GLIS2: variants seen among roughly 807,000 people sequenced by gnomAD.
The protein encoded by GLIS2 is GLIS family zinc finger 2.
In GLIS2, 14 loss-of-function variants were observed where a neutral mutation model predicts 35.6. The observed-to-expected ratio is 0.39, with a 90% CI of 0.26 to 0.61. GLIS2 has a LOEUF of 0.61. Among genes scored for constraint, GLIS2 ranks in the 20% least tolerant of loss-of-function variants. The pLI is 0.48. For synonymous variants in GLIS2, 368 were observed against 325.1 expected (o/e 1.13, Z -1.42); for missense variants, 675 against 713.4 (o/e 0.95, Z 0.61).
chr16:4,317,636 C>G (rs2053328675), intron 1 of GLIS2, among the ~76,000 whole-genome samples: 1 of 152,010 alleles, frequency 6.6e-6, no homozygotes, highest in South Asian at 2.1e-4. Context: ...CCAGGCTGGG[C>G]CTCCTAGCTG....
chr16:4,316,220 C>A lies in GLIS2; in HGVS notation c.-101C>A, dbSNP rs1309381465. 1.4e-5 allele frequency among the ~76,000 whole-genome samples: 2 copies of A among 144,906 alleles called. No homozygotes were observed. The highest frequency in any genetic ancestry group is 3.1e-5 in the Non-Finnish European group (2 of 65,128). The stretch of plus-strand genomic sequence containing the variant: ...CCCCGCGCCCCCCGACCGCCGGAGC[C>A]CGCAGCCCGGATCCCGACCGCCCCC... On this transcript the variant is annotated 5_prime_UTR_variant, in exon 1 of 7. Coordinates refer to ENST00000433375, the MANE Select transcript of GLIS2 (RefSeq NM_032575.3).
chr16:4,337,545 T>G lies in GLIS2; in HGVS notation c.*21T>G. 1 of 1,546,340 alleles carries G rather than the reference T, an allele frequency of 6.5e-7. No individual in the cohort carries two copies. The highest frequency in any genetic ancestry group is 8.7e-7 in the Non-Finnish European group (1 of 1,151,476). On this transcript the variant is annotated 3_prime_UTR_variant, in exon 7 of 7. Coordinates refer to ENST00000433375, the MANE Select transcript of GLIS2 (RefSeq NM_032575.3). ...ACTGAGCCCATCCTGCGGACAGTTGTGGTGCCCCCCCGGCAGCTCCCGGCA... is the reference window on the plus strand; with the variant it reads ...ACTGAGCCCATCCTGCGGACAGTTGGGGTGCCCCCCCGGCAGCTCCCGGCA...
At chr16:4,321,745 C>T (rs1420966542) in intron 1 of GLIS2, among the ~76,000 whole-genome samples, 1 of 152,092 alleles carries the variant, frequency 6.6e-6, no homozygotes, top group Non-Finnish European at 1.5e-5. Context: ...TTGGAGCTGC[C>T]CGGCGTCCCA....
chr16:4,319,438 G>C (rs1015747326), intron 1 of GLIS2, among the ~76,000 whole-genome samples: 3 of 152,170 alleles, frequency 2.0e-5, no homozygotes, highest in Admixed American at 1.3e-4. Flanking sequence ...CCTTCCCAGG[G>C]GCTATGAAAG....
At position 4,332,531 on chromosome 16, in the gene GLIS2, C is replaced by T. The variant is rs952064894; in HGVS notation, c.172+79C>T. ...AGGGAGAATGGCCAAGTGTGTCCAC[C>T]AGCATGTAGCTGCAGCCCCTCTCGG... On this transcript the variant is annotated intron_variant, in intron 2 of 6. Coordinates refer to ENST00000433375, the MANE Select transcript of GLIS2 (RefSeq NM_032575.3). This position sits in a 1 kb window ranked among gnomAD's most constrained non-coding sequence, Gnocchi z 5.4. 2 of 1,502,844 alleles carry T rather than the reference C, an allele frequency of 1.3e-6. No homozygotes were observed. The highest frequency in any genetic ancestry group is 2.4e-5 in the East Asian group (1 of 42,414). 93.1% of individuals were successfully genotyped at this position (1,502,844 alleles called of 1,614,324 possible). A position where few individuals can be genotyped will look rare whatever the true frequency, so the allele number is the denominator to read the frequency against.
At chr16:4,331,137 T>C (rs1056805152) in intron 1 of GLIS2, among the ~76,000 whole-genome samples, 23 of 151,044 alleles carry the variant, frequency 1.5e-4, no homozygotes, top group African/African-American at 5.7e-4. Context: ...CCACCACACC[T>C]GGCTAATTTT....
chr16:4,334,779 TA>T, intron 3 of GLIS2, 21 bp from the exon 4 acceptor site: 1 of 1,612,920 alleles, frequency 6.2e-7, no homozygotes, highest in South Asian at 1.1e-5. Flanking sequence ...GGACCTTGAC[TA>T]GCCCTCCCCT....
Position 4,335,043 on chromosome 16 carries a change from C to A in GLIS2, c.523-17C>A, listed in dbSNP as rs1342937909. 1 of 1,613,300 alleles carries A rather than the reference C, an allele frequency of 6.2e-7. No individual in the cohort carries two copies. Among genetic ancestry groups the A allele is most frequent in the Non-Finnish European group, 8.5e-7 (1 of 1,180,054 alleles). On this transcript the variant is annotated splice_polypyrimidine_tract_variant and intron_variant, in intron 4 of 6. Coordinates refer to ENST00000433375, the MANE Select transcript of GLIS2 (RefSeq NM_032575.3). The surrounding 1 kb of genome is among the most constrained non-coding windows in gnomAD (Gnocchi z 4.6). ...GGTCACCCCGCATGGGCTCAGAACACTTCCCATCCTCCGCAGTGTAACCAG... is the reference window on the plus strand; with the variant it reads ...GGTCACCCCGCATGGGCTCAGAACAATTCCCATCCTCCGCAGTGTAACCAG...
At chr16:4,333,625 C>T (rs1327741851) in intron 3 of GLIS2, 106 bp downstream of exon 3, 2 of 1,255,438 alleles carry the variant, frequency 1.6e-6, no homozygotes, top group African/African-American at 1.5e-5. Context: ...TGTGTTACCC[C>T]TCATAATTCT....
Position 4,332,316 on chromosome 16 carries a change from G to T in GLIS2, c.36G>T (p.Leu12=). The change falls in exon 2 of 7, where the codon CTG becomes CTT. Residue 12 remains leucine, a synonymous_variant. Transcript: ENST00000433375. This position sits in a 1 kb window ranked among gnomAD's most constrained non-coding sequence, Gnocchi z 5.4. ...HSLDEPLDLK[L]SITKLRAARE... is the part of the protein sequence containing the mutation. ...TGGACGAGCCGCTCGACCTGAAGCT[G>T]AGTATCACCAAGCTCCGGGCGGCAA... 1 of 1,613,210 alleles carries T rather than the reference G, an allele frequency of 6.2e-7. No individual in the cohort carries two copies. Among genetic ancestry groups the T allele is most frequent in the Non-Finnish European group, 8.5e-7 (1 of 1,180,022 alleles).
At chr16:4,330,958 T>C (rs1334282919) in intron 1 of GLIS2, among the ~76,000 whole-genome samples, 5 of 151,884 alleles carry the variant, frequency 3.3e-5, no homozygotes, top group Non-Finnish European at 1.5e-5. Flanking sequence ...AAAAACTGCT[T>C]AAAAGCGTTT....
chr16:4,336,822 G>A lies in GLIS2; in HGVS notation c.873G>A (p.Lys291=). 6.2e-7 allele frequency: 1 copy of A among 1,612,398 alleles called. No individual in the cohort carries two copies. The highest frequency in any genetic ancestry group is 1.3e-5 in the African/African-American group (1 of 75,010). ...ACACGCGCACCCACTATGTGGACAA[G>A]CCCTACTACTGCAAGATGCCCGGCT... ...FKHTRTHYVD[K]PYYCKMPGCH... Residue 291 remains lysine (K), a synonymous_variant, in exon 7 of 7, where the codon AAG becomes AAA. Coordinates refer to ENST00000433375, the MANE Select transcript of GLIS2 (RefSeq NM_032575.3).
At chr16:4,323,410 C>T (rs892142491) in intron 1 of GLIS2, among the ~76,000 whole-genome samples, 31 of 152,296 alleles carry the variant, frequency 2.0e-4, no homozygotes, top group African/African-American at 5.8e-4. Flanking sequence ...GCTGGGCAGA[C>T]AGGAAAATAC....
At position 4,330,600 on chromosome 16, in the gene GLIS2, T is replaced by G. The variant is rs373111951; in HGVS notation, c.-66-1615T>G. 6.6e-5 allele frequency among the ~76,000 whole-genome samples: 10 copies of G among 152,332 alleles called. No individual in the cohort carries two copies. In the East Asian group the frequency reaches 1.3e-3, roughly 21 times the overall value. ...CTCGGTTTGCCTGGTGCGAGTTCCT[T>G]GGTGGTGAGCGTGGCTACCTGCCGG... On this transcript the variant is annotated intron_variant, in intron 1 of 6. Coordinates refer to ENST00000433375, the MANE Select transcript of GLIS2 (RefSeq NM_032575.3).
chr16:4,318,491 T>TC (rs148887367), intron 1 of GLIS2, among the ~76,000 whole-genome samples: 266 of 152,192 alleles, frequency 1.7e-3, no homozygotes, highest in African/African-American at 6.2e-3. Context: ...GTGAACCGCG[T>TC]CCCCCCAAAG....
At chr16:4,324,279 C>T (rs2053407719) in intron 1 of GLIS2, among the ~76,000 whole-genome samples, 1 of 152,142 alleles carries the variant, frequency 6.6e-6, no homozygotes, top group Non-Finnish European at 1.5e-5. Flanking sequence ...GGCCCCTCTC[C>T]TGGGATCTGC....
chr16:4,334,676 C>G, intron 3 of GLIS2, 125 bp from the exon 4 acceptor site: 1 of 1,114,130 alleles, frequency 9.0e-7, no homozygotes, highest in South Asian at 1.3e-5. Context: ...GCCACATGCA[C>G]AGGTAGGGGC....
chr16:4,317,697 C>T (rs1567215287), intron 1 of GLIS2, among the ~76,000 whole-genome samples: 1 of 152,042 alleles, frequency 6.6e-6, no homozygotes, highest in Non-Finnish European at 1.5e-5. Flanking sequence ...CCTCCCAGGA[C>T]ACCCTTTGCC....
At chr16:4,322,802 G>A (rs59329797) in intron 1 of GLIS2, among the ~76,000 whole-genome samples, 3 of 152,236 alleles carry the variant, frequency 2.0e-5, no homozygotes, top group South Asian at 2.1e-4. Flanking sequence ...GGCGGGTGCC[G>A]TTCCCAGTGG....
Sources: gnomAD v4.1 joint callset for allele counts (sites outside exome capture counted in the v4.1 genomes callset) on GRCh38, gnomAD v4.1.1 for gene constraint, Gnocchi (gnomAD v3.1) non-coding constraint, MANE v1.5 for transcripts, NCBI Gene and HGNC (gene_info 2026-07-23, HGNC 2026-07-21) for gene names.